The following RBFOX1 variants were observed in gnomAD, a reference collection of about 807,000 sequenced individuals.
The protein encoded by RBFOX1 is RNA binding fox-1 homolog 1.
RBFOX1 carries 8 observed loss-of-function variants against 57.7 expected under a neutral mutation model. The ratio of observed to expected loss-of-function variants is 0.14; its 90% CI spans 0.08 to 0.25. The LOEUF is 0.25. Ranked by LOEUF, RBFOX1 falls within the 10% of genes least tolerant of loss-of-function variation. The probability of loss-of-function intolerance (pLI) is 1.00; values close to 1 mark genes in which losing one functional copy is unlikely to be tolerated. For missense variants in RBFOX1, 611 were observed against 548.5 expected, an observed-to-expected ratio of 1.11 and a Z score of -1.14; for synonymous variants, 326 against 222.4, an observed-to-expected ratio of 1.47 and a Z score of -4.15.
At chr16:7,499,441 A>G (rs1306793011) in intron 4 of RBFOX1, among the ~76,000 whole-genome samples, 3 of 152,272 alleles carry the variant, frequency 2.0e-5, no homozygotes, top group Middle Eastern at 3.4e-3. Flanking sequence ...ATTCTGAGAT[A>G]CTGGGAGCTG....
intron 4 of RBFOX1, among the ~76,000 whole-genome samples, chr16:5,984,826 T>G (rs1017165678): frequency 6.6e-6 from 1 of 151,688 alleles, no homozygotes; most frequent in Admixed American, 6.6e-5. Context: ...TTTTCTGTAC[T>G]GAATACTGTA....
At chr16:5,314,174 A>C (rs2064167458) in intron 1 of RBFOX1, among the ~76,000 whole-genome samples, 2 of 152,214 alleles carry the variant, frequency 1.3e-5, no homozygotes, top group South Asian at 4.1e-4. Flanking sequence ...AAAATAAGTC[A>C]CTTGGCCCAG....
At chr16:6,625,046 T>A (rs973058522) in intron 2 of RBFOX1, among the ~76,000 whole-genome samples, 1 of 148,748 alleles carries the variant, frequency 6.7e-6, no homozygotes, top group Non-Finnish European at 1.5e-5. Flanking sequence ...AGGCTTATAA[T>A]CCCAGCTGTT....
chr16:6,717,705 T>C (rs1265221465), intron 3 of RBFOX1, among the ~76,000 whole-genome samples: 1 of 152,120 alleles, frequency 6.6e-6, no homozygotes, highest in Non-Finnish European at 1.5e-5. Context: ...AAAGTGCCAG[T>C]CACATTGTTT....
At chr16:7,039,289 C>G (rs2045451289) in intron 3 of RBFOX1, among the ~76,000 whole-genome samples, 1 of 152,186 alleles carries the variant, frequency 6.6e-6, no homozygotes, top group Non-Finnish European at 1.5e-5. Flanking sequence ...TTGACAAGCT[C>G]TTTCGTCCGT....
At chr16:6,793,663 A>T (rs1016761202) in intron 3 of RBFOX1, among the ~76,000 whole-genome samples, 1 of 152,194 alleles carries the variant, frequency 6.6e-6, no homozygotes, top group African/African-American at 2.4e-5. Context: ...AAGTATTATA[A>T]CTTGCTCTGT....
intron 1 of RBFOX1, among the ~76,000 whole-genome samples, chr16:6,179,622 A>T (rs1183138307): frequency 6.6e-6 from 1 of 152,186 alleles, no homozygotes; most frequent in Non-Finnish European, 1.5e-5. Flanking sequence ...CTACAGCAAC[A>T]AGAACCAGAA....
At chr16:7,701,224 A>G (rs1380711059) in intron 14 of RBFOX1, among the ~76,000 whole-genome samples, 1 of 152,136 alleles carries the variant, frequency 6.6e-6, no homozygotes, top group Non-Finnish European at 1.5e-5. Context: ...TTCTAGTTTT[A>G]TCATTTTTGG....
intron 2 of RBFOX1, among the ~76,000 whole-genome samples, chr16:5,521,406 G>C (rs1168166716): frequency 6.6e-6 from 1 of 152,160 alleles, no homozygotes; most frequent in African/African-American, 2.4e-5. Flanking sequence ...TTCCAGCCTT[G>C]TACATTTGAT....
intron 13 of RBFOX1, among the ~76,000 whole-genome samples, chr16:7,666,481 A>C (rs1194980912): frequency 6.6e-6 from 1 of 152,154 alleles, no homozygotes; most frequent in Non-Finnish European, 1.5e-5. Context: ...GTTTCTTCAA[A>C]CTGACAATAA....
rs182912842 is a variant in RBFOX1 at position 5,643,988 on chromosome 16, T to G, written c.318+45027T>G. On this transcript the variant is annotated intron_variant, in intron 3 of 19. Transcript: ENST00000641259. ...TACCTTTTCAAAAGGGCCCGCTGTT[T>G]TACGATGTCAAATGTGACCTTTACA... 5.9e-5 allele frequency among the ~76,000 whole-genome samples: 9 copies of G among 152,366 alleles called. No individual in the cohort carries two copies. The East Asian group carries it at 1.5e-3, about 26-fold the overall frequency.
intron 2 of RBFOX1, among the ~76,000 whole-genome samples, chr16:6,569,044 A>T (rs944378443): frequency 6.6e-6 from 1 of 152,156 alleles, no homozygotes; most frequent in Non-Finnish European, 1.5e-5. Flanking sequence ...CAATACTGGG[A>T]TTAGAGATAG....
At chr16:6,037,580 T>C (rs2095382574) in intron 1 of RBFOX1, 1 of 152,072 alleles carries the variant, frequency 6.6e-6, no homozygotes, top group East Asian at 1.9e-4. Flanking sequence ...TTTTTCTTTT[T>C]TTTGTTTTGT....
chr16:5,831,479 A>ATTG (rs1388927259), intron 3 of RBFOX1, among the ~76,000 whole-genome samples: 4 of 137,772 alleles, frequency 2.9e-5, no homozygotes, highest in Non-Finnish European at 6.1e-5. Context: ...CTCTTTTATT[A>ATTG]TTATTATTAT....
At chr16:7,573,662 T>C (rs963072525) in intron 5 of RBFOX1, among the ~76,000 whole-genome samples, 32 of 152,072 alleles carry the variant, frequency 2.1e-4, no homozygotes, top group African/African-American at 6.7e-4. Context: ...TGTGAAACCC[T>C]GTCTCTAGTA....
intron 2 of RBFOX1, among the ~76,000 whole-genome samples, chr16:6,536,934 A>G (rs2096743243): frequency 6.6e-6 from 1 of 152,176 alleles, no homozygotes; most frequent in South Asian, 2.1e-4. Context: ...ATACAAAGTA[A>G]TTTTTGTTTC....
intron 14 of RBFOX1, among the ~76,000 whole-genome samples, chr16:7,688,918 C>T (rs886329676): frequency 6.6e-6 from 1 of 152,054 alleles, no homozygotes; most frequent in African/African-American, 2.4e-5. Flanking sequence ...CATCACACCT[C>T]ACTGCTGATT....
Position 6,025,307 on chromosome 16 carries a change from A to T in RBFOX1, c.-127+5315A>T, listed in dbSNP as rs549938568. On this transcript the variant is annotated intron_variant, in intron 1 of 15. Transcript: ENST00000550418. ...GAGAAATTAAACTCGATTCCCCACC[A>T]CCACCTACTTCGTAGGGCTTACACT... Among the ~76,000 whole-genome samples, 27 of 152,308 alleles carry T rather than the reference A, an allele frequency of 1.8e-4. 2 individuals are homozygous for T. In the South Asian group the frequency reaches 5.6e-3, roughly 32 times the overall value.
chr16:6,533,483 T>C (rs1567585628), intron 2 of RBFOX1, among the ~76,000 whole-genome samples: 1 of 152,178 alleles, frequency 6.6e-6, no homozygotes, highest in Non-Finnish European at 1.5e-5. Context: ...GGTTCTGGAC[T>C]CTACACTTGA....
Sources: allele counts gnomAD v4.1 joint callset (sites outside exome capture counted in the v4.1 genomes callset), GRCh38; gene constraint gnomAD v4.1.1; transcripts MANE v1.5; gene names NCBI Gene and HGNC (gene_info 2026-07-23, HGNC 2026-07-21).